ELAPOR2: variants seen among roughly 807,000 people sequenced by gnomAD.
ELAPOR2 encodes endosome/lysosome-associated apoptosis and autophagy regulator family member 2.
In ELAPOR2, 89 loss-of-function variants were observed where a neutral mutation model predicts 120.7. That is an observed-to-expected ratio of 0.74 (90% confidence interval 0.62 to 0.88). ELAPOR2 has a LOEUF of 0.88. ELAPOR2 is among the 40% of genes least tolerant of loss of function. ELAPOR2 has a pLI of 0.00. For synonymous variants in ELAPOR2, 444 were observed against 444.9 expected (o/e 1.00, Z 0.03); for missense variants, 1,134 against 1,251.6 (o/e 0.91, Z 1.42).
chr7:87,031,350 A>G (rs889897748), intron 1 of ELAPOR2, among the ~76,000 whole-genome samples: 3 of 152,214 alleles, frequency 2.0e-5, no homozygotes, highest in Non-Finnish European at 2.9e-5. Context: ...CAGTATGTCA[A>G]TGCTCATTAC....
intron 1 of ELAPOR2, among the ~76,000 whole-genome samples, chr7:87,013,310 AACAAAT>A (rs1793756966): frequency 6.6e-6 from 1 of 152,200 alleles, no homozygotes; most frequent in Admixed American, 6.5e-5. Flanking sequence ...AAAAAATGTT[AACAAAT>A]ACCCTAAAAT....
chr7:86,986,881 C>T (rs1403742064), intron 1 of ELAPOR2, among the ~76,000 whole-genome samples: 2 of 150,108 alleles, frequency 1.3e-5, no homozygotes, highest in South Asian at 2.1e-4. Flanking sequence ...AAAGAGCCCA[C>T]ATTGCAGTCA....
intron 1 of ELAPOR2, among the ~76,000 whole-genome samples, chr7:86,967,183 G>A (rs1791939481): frequency 6.6e-6 from 1 of 152,156 alleles, no homozygotes; most frequent in Admixed American, 6.5e-5. Flanking sequence ...GTCTTGGCTA[G>A]GAGCTGTGCC....
chr7:87,052,183 A>G (rs1315626655), intron 1 of ELAPOR2, among the ~76,000 whole-genome samples: 2 of 152,216 alleles, frequency 1.3e-5, no homozygotes, highest in Non-Finnish European at 2.9e-5. Context: ...GCTGATAAAG[A>G]CATACCCAAG....
intron 21 of ELAPOR2, 83 bp downstream of exon 21, chr7:86,891,641 G>A: frequency 8.7e-7 from 1 of 1,151,976 alleles, no homozygotes; most frequent in South Asian, 1.7e-5. Flanking sequence ...CAAAATAACA[G>A]CTTGCGTGAA....
At chr7:86,923,623 TA>T (rs1789927537) in intron 10 of ELAPOR2, among the ~76,000 whole-genome samples, 1 of 152,094 alleles carries the variant, frequency 6.6e-6, no homozygotes, top group Admixed American at 6.6e-5. Context: ...ATAATCCTCA[TA>T]AGTGGTATTT....
At chr7:87,052,870 C>T (rs150816317) in intron 1 of ELAPOR2, among the ~76,000 whole-genome samples, 2 of 152,060 alleles carry the variant, frequency 1.3e-5, no homozygotes, top group African/African-American at 2.4e-5. Context: ...AATCACAGCT[C>T]CCTGCAGCCT....
Position 86,938,214 on chromosome 7 carries a change from T to A in ELAPOR2, c.1001A>T (p.Glu334Val). 1.3e-6 allele frequency: 2 copies of A among 1,547,352 alleles called. No homozygotes were observed. Among genetic ancestry groups the A allele is most frequent in the Non-Finnish European group, 1.7e-6 (2 of 1,144,294 alleles). ...CTCTGTACACTCACTGGATCCTTCC[T>A]CTGCAACATAAAAAAAGCGTTTCAG... ...IRCKDDSQFS[E>V]EGSSECTERP... is the part of the protein sequence containing the mutation. Residue 334 changes from glutamate (E) to valine (V), a missense_variant and splice_region_variant, in exon 8 of 22, where the codon GAG (glutamate) becomes GTG (valine). Around this residue, in one of 3 missense-constraint regions of ELAPOR2, gnomAD observed 831 missense variants for 867.6 expected, o/e 0.96. Transcript: ENST00000450689.
intron 1 of ELAPOR2, among the ~76,000 whole-genome samples, chr7:86,986,142 G>C (rs1792723728): frequency 7.2e-6 from 1 of 137,952 alleles, no homozygotes; most frequent in Admixed American, 7.1e-5. Context: ...CAGATGGCAT[G>C]ATTGTATATT....
chr7:86,891,917 A>G (rs1788181166), intron 20 of ELAPOR2, 28 bp from the exon 21 acceptor site: 2 of 1,347,706 alleles, frequency 1.5e-6, no homozygotes, highest in East Asian at 2.5e-5. Context: ...AAATAAACAA[A>G]TAAGTATCCA....
intron 13 of ELAPOR2, among the ~76,000 whole-genome samples, chr7:86,913,792 T>C (rs895646894): frequency 6.6e-6 from 1 of 152,174 alleles, no homozygotes; most frequent in Non-Finnish European, 1.5e-5. Flanking sequence ...TGGGTCTTAT[T>C]ATGTTTTTCC....
At chr7:87,022,230 T>TC (rs1438218758) in intron 1 of ELAPOR2, among the ~76,000 whole-genome samples, 3 of 62,362 alleles carry the variant, frequency 4.8e-5, no homozygotes, top group Non-Finnish European at 8.8e-5. Flanking sequence ...CCCTCCCCCC[T>TC]CCCCCCACCC....
At chr7:86,996,198 G>C (rs1216127918) in intron 1 of ELAPOR2, among the ~76,000 whole-genome samples, 2 of 152,202 alleles carry the variant, frequency 1.3e-5, no homozygotes, top group Admixed American at 1.3e-4. Context: ...AAATTAGGGT[G>C]CTCTGAAAGA....
intron 18 of ELAPOR2, among the ~76,000 whole-genome samples, chr7:86,904,888 T>G (rs1033950027): frequency 2.0e-5 from 3 of 152,136 alleles, no homozygotes; most frequent in Non-Finnish European, 4.4e-5. Flanking sequence ...TGAGATTTCC[T>G]GAGGGTGGCA....
At chr7:86,914,294 G>A (rs887850796) in intron 13 of ELAPOR2, among the ~76,000 whole-genome samples, 55 of 152,088 alleles carry the variant, frequency 3.6e-4, no homozygotes, top group African/African-American at 7.7e-4. Flanking sequence ...CATTCTCCAG[G>A]CTGTAAAAGG....
chr7:87,035,306 G>A (rs1450367564), intron 1 of ELAPOR2, among the ~76,000 whole-genome samples: 1 of 152,096 alleles, frequency 6.6e-6, no homozygotes, highest in African/African-American at 2.4e-5. Context: ...AAGCAGCTCT[G>A]CAATTTTCAG....
intron 1 of ELAPOR2, among the ~76,000 whole-genome samples, chr7:87,036,718 T>C (rs1490392658): frequency 1.3e-5 from 2 of 152,060 alleles, no homozygotes; most frequent in Admixed American, 6.5e-5. Context: ...TACTTATAAA[T>C]GGCAGCTAAA....
intron 8 of ELAPOR2, 41 bp downstream of exon 8, chr7:86,938,085 T>G: frequency 7.0e-7 from 1 of 1,433,392 alleles, no homozygotes; most frequent in Non-Finnish European, 9.6e-7. Flanking sequence ...GAAAGAAGGT[T>G]GCAAAAATAT....
At chr7:86,967,510 T>C (rs967256748) in intron 1 of ELAPOR2, among the ~76,000 whole-genome samples, 3 of 152,126 alleles carry the variant, frequency 2.0e-5, no homozygotes, top group Non-Finnish European at 4.4e-5. Context: ...ACTGAAAAGA[T>C]TCTGGCCCCT....
Sources: gnomAD v4.1 joint callset for allele counts (sites outside exome capture counted in the v4.1 genomes callset) on GRCh38, gnomAD v4.1.1 for gene constraint, gnomAD v4.1.1 regional missense constraint, MANE v1.5 for transcripts, NCBI Gene and HGNC (gene_info 2026-07-23, HGNC 2026-07-21) for gene names.